Variants in GCH1 observed in about 807,000 individuals in gnomAD.
GCH1 encodes GTP cyclohydrolase 1, also known as GTP cyclohydrolase I.
GCH1 carries 5 observed loss-of-function variants against 25.9 expected under a neutral mutation model. The ratio of observed to expected loss-of-function variants is 0.19; its 90% CI spans 0.10 to 0.41. The LOEUF is 0.41. Ranked by LOEUF, GCH1 falls within the 10% of genes least tolerant of loss-of-function variation. The pLI is 1.00. For missense variants in GCH1, 261 were observed against 336.5 expected, an observed-to-expected ratio of 0.78 and a Z score of 1.75; for synonymous variants, 159 against 129.6, an observed-to-expected ratio of 1.23 and a Z score of -1.54.
chr14:54,862,593 G>GT (rs112283632), intron 2 of GCH1, among the ~76,000 whole-genome samples: 10,658 of 97,322 alleles, frequency 0.11, 1,179 homozygotes, highest in African/African-American at 0.28. Context: ...ATTGGTTTTC[G>GT]TTTTTTTTTT....
At chr14:54,876,356 A>C (rs923070251) in intron 1 of GCH1, among the ~76,000 whole-genome samples, 6 of 151,942 alleles carry the variant, frequency 3.9e-5, no homozygotes, top group African/African-American at 1.5e-4. Context: ...GTGCGGGGAG[A>C]GGGGAGGGAT....
intron 2 of GCH1, among the ~76,000 whole-genome samples, chr14:54,864,528 T>C (rs1464671572): frequency 6.6e-6 from 1 of 152,224 alleles, no homozygotes; most frequent in East Asian, 1.9e-4. Context: ...CTCAAATGTT[T>C]TACTTTTGGT....
In GCH1 at chr14:54,902,791, T is replaced by C; in HGVS notation, c.-128A>G. On this transcript the variant is annotated 5_prime_UTR_variant, in exon 1 of 6. Coordinates refer to ENST00000491895, the MANE Select transcript of GCH1 (RefSeq NM_000161.3). The stretch of plus-strand genomic sequence containing the variant: ...CACCTGAGGAAGGTACGCAACCTGC[T>C]TAGATCACACTCCGAGCCGGGAGCG... 1 of 1,200,842 alleles carries C rather than the reference T, an allele frequency of 8.3e-7. No homozygotes were observed. Among genetic ancestry groups the C allele is most frequent in the Non-Finnish European group, 1.1e-6 (1 of 938,866 alleles). 74.4% of individuals were successfully genotyped at this position (1,200,842 alleles called of 1,614,324 possible).
rs1172301909 is a variant in GCH1 at position 54,844,316 on chromosome 14, TATTGAACATA to T, written c.627-183_627-174del. Among the ~76,000 whole-genome samples the T allele has an allele frequency of 7.9e-5, 12 of 152,366 alleles. No homozygotes were observed. The South Asian group carries it at 1.7e-3, about 21-fold the overall frequency. ...ATGCAAAAGTAACTGCGGTTCTTGC[TATTGAACATA>T]ATGGCAAAAACTGCAATTATCTTTG... On this transcript the variant is annotated intron_variant, in intron 5 of 5. Transcript: ENST00000491895.
At chr14:54,892,731 T>A (rs1334097143) in intron 1 of GCH1, among the ~76,000 whole-genome samples, 2 of 151,772 alleles carry the variant, frequency 1.3e-5, no homozygotes, top group African/African-American at 4.8e-5. Flanking sequence ...TTAATGTGGA[T>A]GAACCTTGAA....
chr14:54,871,577 G>A (rs1016088898), intron 1 of GCH1, among the ~76,000 whole-genome samples: 1 of 152,144 alleles, frequency 6.6e-6, no homozygotes, highest in Admixed American at 6.5e-5. Context: ...TCGAACCCAT[G>A]GCAAAGAAGT....
chr14:54,861,235 C>A (rs989542130), intron 2 of GCH1, among the ~76,000 whole-genome samples: 1 of 152,092 alleles, frequency 6.6e-6, no homozygotes, highest in Non-Finnish European at 1.5e-5. Context: ...CACCTCATTG[C>A]CTTCCTGGTT....
In GCH1 at chr14:54,843,161, C is replaced by T; in HGVS notation, c.*856G>A. ...AACATTTTGAGGCATCTACATGGAT[C>T]ACACAAAGGAAACTCAATAAACCTA... On this transcript the variant is annotated 3_prime_UTR_variant, in exon 6 of 6. Transcript: ENST00000491895. The T allele has an allele frequency of 6.6e-7, 1 of 1,506,854 alleles. No homozygotes were observed. Among genetic ancestry groups the T allele is most frequent in the Admixed American group, 2.2e-5 (1 of 45,056 alleles). 93.3% of individuals were successfully genotyped at this position (1,506,854 alleles called of 1,614,324 possible).
chr14:54,870,803 G>A (rs1205109794), intron 1 of GCH1, among the ~76,000 whole-genome samples: 1 of 152,216 alleles, frequency 6.6e-6, no homozygotes, highest in Non-Finnish European at 1.5e-5. Context: ...GCTGGGGGAG[G>A]GGCACCCGCC....
chr14:54,865,198 C>A (rs1377614616), intron 2 of GCH1, 129 bp downstream of exon 2: 2 of 620,014 alleles, frequency 3.2e-6, no homozygotes, highest in Admixed American at 2.7e-5. Context: ...TAAAGAATAA[C>A]CATATATGTA....
chr14:54,878,767 C>CT lies in GCH1; in HGVS notation c.344-13332dup, dbSNP rs1555361086. ...ATGTCTGTCTTTACTCTATGATTCA[C>CT]TTTTTTTTCTTTTTGAGACAAGGTC... On this transcript the variant is annotated intron_variant, in intron 1 of 5. Transcript: ENST00000491895. 2.6e-5 allele frequency among the ~76,000 whole-genome samples: 4 copies of CT among 151,972 alleles called. No homozygotes were observed. The East Asian group carries it at 7.7e-4, about 29-fold the overall frequency.
At chr14:54,850,028 G>A (rs990156710) in intron 3 of GCH1, among the ~76,000 whole-genome samples, 12 of 151,996 alleles carry the variant, frequency 7.9e-5, no homozygotes, top group African/African-American at 2.9e-4. Context: ...AGGCTGGAGT[G>A]CAGCAGCACA....
chr14:54,856,860 T>G (rs2039819733), intron 3 of GCH1, among the ~76,000 whole-genome samples: 1 of 152,200 alleles, frequency 6.6e-6, no homozygotes, highest in Non-Finnish European at 1.5e-5. Flanking sequence ...TCTACTAGAG[T>G]TGAGCCAGAT....
intron 1 of GCH1, among the ~76,000 whole-genome samples, chr14:54,878,659 C>T (rs2040198072): frequency 6.6e-6 from 1 of 152,200 alleles, no homozygotes; most frequent in Non-Finnish European, 1.5e-5. Flanking sequence ...TATCTGAAGG[C>T]TTTGGAGCTT....
intron 1 of GCH1, among the ~76,000 whole-genome samples, chr14:54,888,979 G>A (rs976557190): frequency 2.0e-5 from 3 of 152,174 alleles, no homozygotes; most frequent in African/African-American, 7.2e-5. Flanking sequence ...TGTTTACTGT[G>A]GTGGAGGAGG....
In GCH1 at chr14:54,842,835, C is replaced by T; in HGVS notation, c.*1182G>A. On this transcript the variant is annotated 3_prime_UTR_variant, in exon 6 of 6. Transcript: ENST00000491895. Reference sequence around the variant, plus strand: ...AAGATAATCATTAATAAGGCAACAGCTTCCAGGATTAAAATACCTATACCA... The same window carrying T: ...AAGATAATCATTAATAAGGCAACAGTTTCCAGGATTAAAATACCTATACCA... 1 of 415,192 alleles carries T rather than the reference C, an allele frequency of 2.4e-6. No individual in the cohort carries two copies. Among genetic ancestry groups the T allele is most frequent in the Non-Finnish European group, 4.3e-6 (1 of 231,960 alleles). 25.7% of individuals were successfully genotyped at this position (415,192 alleles called of 1,614,324 possible). A position where few individuals can be genotyped will look rare whatever the true frequency, so the allele number is the denominator to read the frequency against.
At chr14:54,861,173 A>C (rs2039891368) in intron 2 of GCH1, among the ~76,000 whole-genome samples, 1 of 152,194 alleles carries the variant, frequency 6.6e-6, no homozygotes, top group African/African-American at 2.4e-5. Context: ...AGTAGTACTT[A>C]GTGATTTTTT....
At chr14:54,898,128 C>G (rs143975497) in intron 1 of GCH1, among the ~76,000 whole-genome samples, 2 of 152,106 alleles carry the variant, frequency 1.3e-5, no homozygotes, top group Non-Finnish European at 2.9e-5. Context: ...GCCTGTAATC[C>G]CAGCACTTTG....
At chr14:54,889,181 A>G (rs1301988764) in intron 1 of GCH1, among the ~76,000 whole-genome samples, 1 of 152,202 alleles carries the variant, frequency 6.6e-6, no homozygotes, top group Non-Finnish European at 1.5e-5. Flanking sequence ...CCCATGTGAT[A>G]AACGATAAAT....
Sources: allele counts gnomAD v4.1 joint callset (sites outside exome capture counted in the v4.1 genomes callset), GRCh38; gene constraint gnomAD v4.1.1; transcripts MANE v1.5; gene names NCBI Gene and HGNC (gene_info 2026-07-23, HGNC 2026-07-21).